The following CSF2RB variants were observed in gnomAD, a reference collection of about 807,000 sequenced individuals.
CSF2RB encodes cytokine receptor common subunit beta.
In CSF2RB, 22 loss-of-function variants were observed where a neutral mutation model predicts 67.2. The ratio of observed to expected loss-of-function variants is 0.33; its 90% CI spans 0.23 to 0.47. The LOEUF is 0.47. CSF2RB is among the 20% of genes least tolerant of loss of function. The pLI, the probability that CSF2RB is intolerant of heterozygous loss-of-function variation, is 1.00. For missense variants in CSF2RB, 1,113 were observed against 1,174.5 expected (o/e 0.95, Z 0.76); for synonymous variants, 507 against 482.9 (o/e 1.05, Z -0.65).
At chr22:36,936,523 C>T (rs769490087) in intron 12 of CSF2RB, 26 bp from the exon 13 acceptor site, 23 of 1,610,644 alleles carry the variant, frequency 1.4e-5, no homozygotes, top group Non-Finnish European at 1.6e-5. Context: ...TGATGCTCAC[C>T]GGCCCAAATG....
chr22:36,914,457 C>G (rs1225574412), intron 1 of CSF2RB, among the ~76,000 whole-genome samples: 1 of 151,980 alleles, frequency 6.6e-6, no homozygotes, highest in Non-Finnish European at 1.5e-5. Context: ...TTATGACACT[C>G]TGCCCTGCTG....
At chr22:36,922,349 C>T (rs1314439900) in intron 2 of CSF2RB, 66 bp downstream of exon 2, 14 of 1,430,884 alleles carry the variant, frequency 9.8e-6, no homozygotes, top group African/African-American at 4.2e-5. Flanking sequence ...GGGGGAGGGC[C>T]GCAGCGTATC....
rs754255965 is a variant in CSF2RB, at chr22:36,938,489, G to A, written c.2681G>A (p.Gly894Glu). 1 of 1,613,144 alleles carries A rather than the reference G, an allele frequency of 6.2e-7. No individual in the cohort carries two copies. The highest frequency in any genetic ancestry group is 8.5e-7 in the Non-Finnish European group (1 of 1,179,416). Reference protein sequence around the residue: ...SLPPWEVNKPGEVC With the variant: ...SLPPWEVNKPEEVC ...CCCCCTTGGGAGGTCAACAAGCCTG[G>A]GGAGGTGTGTTGAGACCCCCAGGCC... is the stretch of plus-strand genomic sequence containing the variant. Residue 894 changes from glycine (G) to glutamate (E), a missense_variant, in exon 14 of 14, where the codon GGG becomes GAG. Physicochemically the swap from Gly to Glu is moderately conservative, Grantham distance 98. Around this residue, in one of 2 missense-constraint regions of CSF2RB, gnomAD observed 554 missense variants for 517.9 expected, o/e 1.07. Transcript: ENST00000403662.
At chr22:36,935,832 C>G in intron 12 of CSF2RB, 145 bp downstream of exon 12, 1 of 906,450 alleles carries the variant, frequency 1.1e-6, no homozygotes, top group Non-Finnish European at 1.7e-6. Flanking sequence ...GGGAGTGGGG[C>G]CAGCACTTGG....
rs1163015101 is a variant in CSF2RB, at chr22:36,929,530, G to A, written c.520G>A (p.Val174Ile). 2.5e-6 allele frequency: 4 copies of A among 1,614,194 alleles called. No individual in the cohort carries two copies. The highest frequency in any genetic ancestry group is 3.4e-6 in the Non-Finnish European group (4 of 1,180,028). ...LSPGDLEFEVVYKRLQDSWED... is the reference protein window; with the variant it reads ...LSPGDLEFEVIYKRLQDSWED... ...CCCAGGGGATCTGGAGTTTGAGGTGGTCTACAAGCGGCTTCAGGACTCTTG... is the reference window on the plus strand; with the variant it reads ...CCCAGGGGATCTGGAGTTTGAGGTGATCTACAAGCGGCTTCAGGACTCTTG... The change falls in exon 5 of 14, where the codon GTC becomes ATC. Residue 174 changes from valine to isoleucine, a missense_variant. By Grantham distance (29) the Val-to-Ile change is conservative. Around this residue, in one of 2 missense-constraint regions of CSF2RB, gnomAD observed 559 missense variants for 656.5 expected, o/e 0.85. Transcript: ENST00000403662.
rs1296979608 is a variant in CSF2RB at position 36,939,016 on chromosome 22, A to C, written c.*514A>C. The stretch of plus-strand genomic sequence containing the variant: ...CAGAGGTGGGAGGCACCAGGTGGGC[A>C]CCCGTGGGGGTTAGGGCTTGGAAGA... On this transcript the variant is annotated 3_prime_UTR_variant, in exon 14 of 14. Coordinates refer to ENST00000403662, the MANE Select transcript of CSF2RB (RefSeq NM_000395.3). 15 of 630,270 alleles carry C rather than the reference A, an allele frequency of 2.4e-5. No homozygotes were observed. The allele number at this position is 630,270 out of a possible 1,614,324, so 39.0% of individuals were successfully genotyped here. A position where few individuals can be genotyped will look rare whatever the true frequency, so the allele number is the denominator to read the frequency against.
At chr22:36,934,108 C>A in intron 10 of CSF2RB, 114 bp downstream of exon 10, 1 of 1,368,868 alleles carries the variant, frequency 7.3e-7, no homozygotes, top group Non-Finnish European at 1.0e-6. Flanking sequence ...TGTAGGTGAG[C>A]CGTCTCCCCG....
Position 36,938,599 on chromosome 22 carries a change from C to T in CSF2RB, c.*97C>T, listed in dbSNP as rs1399593605. On this transcript the variant is annotated 3_prime_UTR_variant, in exon 14 of 14. Coordinates refer to ENST00000403662, the MANE Select transcript of CSF2RB (RefSeq NM_000395.3). ...TTTCTGCAAAGCCAAGGGGCAGCCT[C>T]CTGTCAAGGTAGCTAGAGGCCTGGG... 5.2e-6 allele frequency: 7 copies of T among 1,350,248 alleles called. No individual in the cohort carries two copies. The highest frequency in any genetic ancestry group is 2.4e-5 in the East Asian group (1 of 41,306). 83.6% of individuals were successfully genotyped at this position (1,350,248 alleles called of 1,614,324 possible).
At chr22:36,925,940 C>G in intron 3 of CSF2RB, 47 bp from the exon 4 acceptor site, 1 of 1,602,202 alleles carries the variant, frequency 6.2e-7, no homozygotes, top group Non-Finnish European at 8.6e-7. Flanking sequence ...TTTCGTGAGT[C>G]AGTGATACCC....
rs146282598 is a variant in CSF2RB, at chr22:36,913,944, C to T, written c.-173+267C>T. Among the ~76,000 whole-genome samples, 300 of 152,048 alleles carry T rather than the reference C, an allele frequency of 2.0e-3. 1 individual carries two copies. The highest frequency in any genetic ancestry group is 6.7e-3 in the African/African-American group (278 of 41,436). ...TCTGGGGAGGACTCAGCCTCGCTAG[C>T]GGGATCTGGTTGGTCCTGGTGGGAA... is the stretch of plus-strand genomic sequence containing the variant. On this transcript the variant is annotated intron_variant, in intron 1 of 13. Coordinates refer to ENST00000403662, the MANE Select transcript of CSF2RB (RefSeq NM_000395.3).
chr22:36,921,420 GTGTC>G (rs1280033000), intron 1 of CSF2RB, among the ~76,000 whole-genome samples: 2 of 151,854 alleles, frequency 1.3e-5, no homozygotes, highest in Non-Finnish European at 2.9e-5. Context: ...GTATCTGTGT[GTGTC>G]TGTGTGTTGT....
chr22:36,922,824 C>T (rs779911572), intron 2 of CSF2RB: 35 of 301,514 alleles, frequency 1.2e-4, no homozygotes, highest in Middle Eastern at 1.2e-3. Context: ...CTCCTGAGGA[C>T]GGGGACTAGA....
chr22:36,914,827 A>G (rs1569128194), intron 1 of CSF2RB, among the ~76,000 whole-genome samples: 1 of 152,130 alleles, frequency 6.6e-6, no homozygotes, highest in East Asian at 1.9e-4. Flanking sequence ...TTGTTCCAGT[A>G]TACAGATATA....
At chr22:36,915,727 G>A (rs1940703243) in intron 1 of CSF2RB, among the ~76,000 whole-genome samples, 2 of 152,196 alleles carry the variant, frequency 1.3e-5, no homozygotes, top group Non-Finnish European at 1.5e-5. Context: ...CAAAGTAGCT[G>A]AGCTAAGCTG....
At chr22:36,928,629 C>T (rs1464745104) in intron 4 of CSF2RB, among the ~76,000 whole-genome samples, 1 of 152,218 alleles carries the variant, frequency 6.6e-6, no homozygotes, top group Non-Finnish European at 1.5e-5. Context: ...TCTTGAACAA[C>T]CCAGAGTTCC....
chr22:36,923,845 A>G (rs1169209180), intron 3 of CSF2RB: 1 of 1,210,938 alleles, frequency 8.3e-7, no homozygotes, highest in Non-Finnish European at 1.1e-6. Flanking sequence ...GCCACGGGGT[A>G]GACAGTGGCA....
rs754790619 is a variant in CSF2RB at position 36,930,395 on chromosome 22, A to T, written c.739A>T (p.Asn247Tyr). The stretch of plus-strand genomic sequence containing the variant: ...CCCAGGGGATGAGGCCCAGCCCCAG[A>T]ACCTGGAGTGCTTCTTTGACGGGGC... ...SQPGDEAQPQ[N>Y]LECFFDGAAV... Residue 247 changes from asparagine (N) to tyrosine (Y), a missense_variant, in exon 7 of 14, where the codon AAC (asparagine) becomes TAC (tyrosine). Transcript: ENST00000403662. 6.2e-7 allele frequency: 1 copy of T among 1,613,516 alleles called. No individual in the cohort carries two copies. The highest frequency in any genetic ancestry group is 1.7e-5 in the Admixed American group (1 of 60,008).
intron 3 of CSF2RB, 81 bp from the exon 4 acceptor site, chr22:36,925,906 C>T: frequency 1.4e-6 from 2 of 1,447,702 alleles, no homozygotes; most frequent in Non-Finnish European, 9.7e-7. Flanking sequence ...CAGAGCCAGG[C>T]ATGTGGTGAG....
intron 1 of CSF2RB, among the ~76,000 whole-genome samples, chr22:36,919,407 G>T (rs922415899): frequency 1.3e-5 from 2 of 151,606 alleles, no homozygotes; most frequent in Admixed American, 1.3e-4. Context: ...GATTGTTGTT[G>T]TTTTTTTGTT....
Sources: gnomAD v4.1 joint callset for allele counts (sites outside exome capture counted in the v4.1 genomes callset) on GRCh38, gnomAD v4.1.1 for gene constraint, gnomAD v4.1.1 regional missense constraint, MANE v1.5 for transcripts, NCBI Gene and HGNC (gene_info 2026-07-23, HGNC 2026-07-21) for gene names.